The following IGFN1 variants were observed in gnomAD, a reference collection of about 807,000 sequenced individuals.
IGFN1 encodes the protein immunoglobulin-like and fibronectin type III domain-containing protein 1.
IGFN1 carries 253 observed loss-of-function variants against 289.5 expected under a neutral mutation model. The ratio of observed to expected loss-of-function variants is 0.87; its 90% CI spans 0.79 to 0.97. The LOEUF (loss-of-function observed/expected upper bound fraction) is 0.97. Among genes scored for constraint, IGFN1 ranks in the 50% least tolerant of loss-of-function variants. IGFN1 has a pLI of 0.00. For missense variants in IGFN1, 4,470 were observed against 4,686.1 expected (o/e 0.95, Z 1.35); for synonymous variants, 1,706 against 1,788.5 (o/e 0.95, Z 1.16).
rs1384340630 is a variant in IGFN1 at position 201,201,738 on chromosome 1, G to A, written c.653G>A (p.Ser218Asn). The A allele has an allele frequency of 1.3e-6, 2 of 1,546,018 alleles. No homozygotes were observed. The highest frequency in any genetic ancestry group is 1.8e-6 in the Non-Finnish European group (2 of 1,141,512). ...TTGTAGTACATCAACACCATCTCCA[G>A]CTTAAGACACATCAGGGTCACCAAG... ...KMAQYINTISSLRHIRVTKDG... is the reference protein window; with the variant it reads ...KMAQYINTISNLRHIRVTKDG... Residue 218 changes from serine (S) to asparagine (N), a missense_variant, in exon 9 of 24, where the codon AGC becomes AAC. Physicochemically the swap from Ser to Asn is conservative, Grantham distance 46. This residue lies in a region of IGFN1 where 2,011 missense variants were observed against 1,953.4 expected (regional missense o/e 1.03). Coordinates refer to ENST00000335211, the MANE Select transcript of IGFN1 (RefSeq NM_001164586.2).
At position 201,212,043 on chromosome 1, in the gene IGFN1, A is replaced by G. The variant is rs1353953116; in HGVS notation, c.7150A>G (p.Lys2384Glu). 1 of 1,536,344 alleles carries G rather than the reference A, an allele frequency of 6.5e-7. No individual in the cohort carries two copies. Among genetic ancestry groups the G allele is most frequent in the African/African-American group, 1.4e-5 (1 of 73,088 alleles). Residue 2384 changes from lysine to glutamate, a missense_variant, in exon 12 of 24, where the codon AAA becomes GAA. By Grantham distance (56) the Lys-to-Glu change is moderately conservative. This residue lies in a region of IGFN1 where 2,218 missense variants were observed against 2,114.1 expected (regional missense o/e 1.05). Transcript: ENST00000335211. ...ACATGAGGCTGGACCCAGAGGCCATAAAGCCATGGGTCACAGGTCAGGATA... is the reference window on the plus strand; with the variant it reads ...ACATGAGGCTGGACCCAGAGGCCATGAAGCCATGGGTCACAGGTCAGGATA... ...IGHEAGPRGH[K>E]AMGHRSGYWV...
chr1:201,227,812 C>A (rs1321692711), intron 23 of IGFN1, among the ~76,000 whole-genome samples: 2 of 152,160 alleles, frequency 1.3e-5, no homozygotes, highest in African/African-American at 4.8e-5. Flanking sequence ...ACCTAAGCTT[C>A]CCAGTGGGGC....
intron 12 of IGFN1, 48 bp downstream of exon 12, chr1:201,213,669 G>A (rs749685067): frequency 6.7e-7 from 1 of 1,490,044 alleles, no homozygotes; most frequent in African/African-American, 1.4e-5. Context: ...GAGACAGTGG[G>A]GAGCTCCCTG....
rs370373791 is a variant in IGFN1, at chr1:201,206,646, G to A, written c.1753G>A (p.Gly585Arg). The stretch of plus-strand genomic sequence containing the variant: ...AGGAAAGGAGCACAGAGGGGACAGT[G>A]GAAGACAACTGGACAGGCATGCCCC... ...REGKEHRGDSGRQLDRHAPEQ... is the reference protein window; with the variant it reads ...REGKEHRGDSRRQLDRHAPEQ... The change falls in exon 12 of 24, where the codon GGA (glycine) becomes AGA (arginine). Residue 585 changes from glycine (G) to arginine (R), a missense_variant. This residue lies in a region of IGFN1 where 2,011 missense variants were observed against 1,953.4 expected (regional missense o/e 1.03). Coordinates refer to ENST00000335211, the MANE Select transcript of IGFN1 (RefSeq NM_001164586.2). 9 of 1,538,730 alleles carry A rather than the reference G, an allele frequency of 5.8e-6. No homozygotes were observed. Among genetic ancestry groups the A allele is most frequent in the Middle Eastern group, 1.7e-4 (1 of 5,992 alleles).
chr1:201,207,327 A>G lies in IGFN1; in HGVS notation c.2434A>G (p.Ser812Gly). ...GGGTGAGGTAGAGTATGACCCCAGAAGCTTCCAGTCTTCCCAGGGCTGGAC... is the reference window on the plus strand; with the variant it reads ...GGGTGAGGTAGAGTATGACCCCAGAGGCTTCCAGTCTTCCCAGGGCTGGAC... ...ASGEVEYDPR[S>G]FQSSQGWTAG... The change falls in exon 12 of 24, where the codon AGC becomes GGC. Residue 812 changes from serine to glycine, a missense_variant. Coordinates refer to ENST00000335211, the MANE Select transcript of IGFN1 (RefSeq NM_001164586.2). 6.5e-7 allele frequency: 1 copy of G among 1,536,898 alleles called. No homozygotes were observed. The highest frequency in any genetic ancestry group is 1.7e-4 in the Middle Eastern group (1 of 5,990).
intron 8 of IGFN1, among the ~76,000 whole-genome samples, chr1:201,201,022 G>A (rs892837627): frequency 6.6e-6 from 1 of 151,948 alleles, no homozygotes; most frequent in African/African-American, 2.4e-5. Context: ...TAGTAGAGAC[G>A]GGGTTTCACC....
At position 201,210,644 on chromosome 1, in the gene IGFN1, A is replaced by C; in HGVS notation, c.5751A>C (p.Glu1917Asp). The C allele has an allele frequency of 6.8e-7, 1 of 1,475,794 alleles. No individual in the cohort carries two copies. Among genetic ancestry groups the C allele is most frequent in the Non-Finnish European group, 9.0e-7 (1 of 1,114,140 alleles). 91.4% of individuals were successfully genotyped at this position (1,475,794 alleles called of 1,614,324 possible). Residue 1917 changes from glutamate (E) to aspartate (D), a missense_variant, in exon 12 of 24, where the codon GAA (glutamate) becomes GAC (aspartate). Glu to Asp is a conservative substitution (Grantham distance 45). Around this residue, in one of 8 missense-constraint regions of IGFN1, gnomAD observed 108 missense variants for 128.7 expected, o/e 0.84. Transcript: ENST00000335211. ...GFRDGLGSSV[E>D]MGSVNEAGYR... ...GGGATGGTTTAGGGAGTTCTGTAGA[A>C]ATGGGGTCAGTGAATGAGGCAGGTT...
intron 7 of IGFN1, among the ~76,000 whole-genome samples, 163 bp downstream of exon 7, chr1:201,199,817 G>A (rs1046152583): frequency 6.6e-6 from 1 of 152,184 alleles, no homozygotes; most frequent in Admixed American, 6.5e-5. Context: ...TGAACTGGAT[G>A]GGAATGGGAC....
At chr1:201,213,886 A>G (rs1466492358) in intron 12 of IGFN1, among the ~76,000 whole-genome samples, 1 of 152,094 alleles carries the variant, frequency 6.6e-6, no homozygotes, top group Non-Finnish European at 1.5e-5. Flanking sequence ...AGAGTTGTTG[A>G]CCCAACTCTC....
In IGFN1 at chr1:201,212,258, G is replaced by A; in HGVS notation, c.7365G>A (p.Gln2455=). The A allele has an allele frequency of 6.5e-7, 1 of 1,535,750 alleles. No individual in the cohort carries two copies. Among genetic ancestry groups the A allele is most frequent in the East Asian group, 2.4e-5 (1 of 40,906 alleles). The part of the protein sequence containing the change: ...TGVLGSQGGR[Q]TLSDERGSTK... Reference sequence around the variant, plus strand: ...TGCTGGGGTCTCAGGGAGGGCGACAGACTCTTTCAGATGAGCGAGGCTCCA... The same window carrying A: ...TGCTGGGGTCTCAGGGAGGGCGACAAACTCTTTCAGATGAGCGAGGCTCCA... Residue 2455 remains glutamine, a synonymous_variant, in exon 12 of 24, where the codon CAG becomes CAA. Transcript: ENST00000335211.
chr1:201,197,281 G>A lies in IGFN1; in HGVS notation c.331G>A (p.Glu111Lys). 1 of 1,551,590 alleles carries A rather than the reference G, an allele frequency of 6.4e-7. No individual in the cohort carries two copies. Among genetic ancestry groups the A allele is most frequent in the Non-Finnish European group, 8.7e-7 (1 of 1,146,900 alleles). Reference sequence around the variant, plus strand: ...CTGCACAGCAGTAAATGCGTACGGAGAGGCCGCTTGCTCAGTGAGACTCAC... The same window carrying A: ...CTGCACAGCAGTAAATGCGTACGGAAAGGCCGCTTGCTCAGTGAGACTCAC... Reference protein sequence around the residue: ...YRCTAVNAYGEAACSVRLTVI... With the variant: ...YRCTAVNAYGKAACSVRLTVI... Residue 111 changes from glutamate to lysine, a missense_variant, in exon 5 of 24, where the codon GAG becomes AAG. Coordinates refer to ENST00000335211, the MANE Select transcript of IGFN1 (RefSeq NM_001164586.2).
chr1:201,205,554 T>C (rs556394124), intron 11 of IGFN1, among the ~76,000 whole-genome samples, 200 bp downstream of exon 11: 204 of 152,272 alleles, frequency 1.3e-3, no homozygotes, highest in African/African-American at 4.7e-3. Flanking sequence ...ACTGGGTCTC[T>C]TGGAATTACT....
chr1:201,217,875 T>C (rs930842250), intron 17 of IGFN1, among the ~76,000 whole-genome samples: 10 of 152,124 alleles, frequency 6.6e-5, no homozygotes, highest in African/African-American at 9.7e-5. Context: ...GACAGTTCAC[T>C]TCCTCTCTAG....
Position 201,195,933 on chromosome 1 carries a change from G to A in IGFN1, c.222G>A (p.Lys74=). ...NSKGDLSDSS[K]YKISSSPGSK... is the part of the protein sequence containing the mutation. ...AAGGTGACCTCAGTGATTCCAGCAAGTACAAGATCTCCTCCAGCCCTGGCA... is the reference window on the plus strand; with the variant it reads ...AAGGTGACCTCAGTGATTCCAGCAAATACAAGATCTCCTCCAGCCCTGGCA... The change falls in exon 4 of 24, where the codon AAG becomes AAA. Residue 74 remains lysine (K), a synonymous_variant. Transcript: ENST00000335211. The A allele has an allele frequency of 1.3e-6, 2 of 1,551,842 alleles. No homozygotes were observed. Among genetic ancestry groups the A allele is most frequent in the Non-Finnish European group, 1.7e-6 (2 of 1,147,028 alleles).
chr1:201,216,455 C>A lies in IGFN1; in HGVS notation c.9297C>A (p.Asp3099Glu). Residue 3099 changes from aspartate to glutamate, a missense_variant and splice_region_variant, in exon 16 of 24, where the codon GAC becomes GAA. Transcript: ENST00000335211. ...CCGCTCCTCTCTGTGGGTCCCCAGA[C>A]AAGCCTGATCCCCCACAAGGCCCCA... ...VQAELTLQVI[D>E]KPDPPQGPME... The A allele has an allele frequency of 1.9e-6, 3 of 1,555,014 alleles. No homozygotes were observed. Among genetic ancestry groups the A allele is most frequent in the Middle Eastern group, 1.7e-4 (1 of 5,720 alleles).
intron 1 of IGFN1, among the ~76,000 whole-genome samples, chr1:201,192,906 G>T (rs775512918): frequency 3.3e-5 from 5 of 152,152 alleles, no homozygotes; most frequent in Non-Finnish European, 5.9e-5. Context: ...GGTTTGGGAG[G>T]GTTGTGTCTC....
chr1:201,200,063 C>T (rs1667082616), intron 7 of IGFN1, among the ~76,000 whole-genome samples, 174 bp from the exon 8 acceptor site: 1 of 152,074 alleles, frequency 6.6e-6, no homozygotes, highest in Non-Finnish European at 1.5e-5. Flanking sequence ...CTCGCCCCAC[C>T]CATCTCTGAA....
At chr1:201,192,274 T>G (rs1666693380) in intron 1 of IGFN1, among the ~76,000 whole-genome samples, 1 of 152,158 alleles carries the variant, frequency 6.6e-6, no homozygotes, top group African/African-American at 2.4e-5. Context: ...TCATGTGTGA[T>G]TCTATATTAA....
Position 201,193,274 on chromosome 1 carries a change from G to C in IGFN1, c.-20G>C. ...TAATAGAACTTCTACCCTCAGAGGA[G>C]TCAAAGAGGAGGCAGAACTATGGCA... On this transcript the variant is annotated 5_prime_UTR_variant, in exon 2 of 24. Transcript: ENST00000335211. 6.5e-7 allele frequency: 1 copy of C among 1,532,790 alleles called. No homozygotes were observed. The highest frequency in any genetic ancestry group is 8.9e-7 in the Non-Finnish European group (1 of 1,129,370). The allele number at this position is 1,532,790 out of a possible 1,614,324, so 94.9% of individuals were successfully genotyped here.
Sources: allele counts gnomAD v4.1 joint callset (sites outside exome capture counted in the v4.1 genomes callset), GRCh38; gene constraint gnomAD v4.1.1; regional missense constraint gnomAD v4.1.1; transcripts MANE v1.5; gene names NCBI Gene and HGNC (gene_info 2026-07-23, HGNC 2026-07-21).